The following ASB3 variants were observed in gnomAD, a reference collection of about 807,000 sequenced individuals.
The protein encoded by ASB3 is ankyrin repeat and SOCS box protein 3.
A neutral mutation model predicts 54.5 loss-of-function variants in ASB3; 41 were observed. That is an observed-to-expected ratio of 0.75 (90% CI 0.59 to 0.98). The LOEUF is 0.98. ASB3 is among the 50% of genes least tolerant of loss of function. ASB3 has a pLI of 0.00. For missense variants in ASB3, 733 were observed against 620.0 expected (o/e 1.18, Z -1.94); for synonymous variants, 266 against 221.2 (o/e 1.20, Z -1.80).
chr2:53,708,950 G>A (rs539455936), intron 7 of ASB3, among the ~76,000 whole-genome samples: 2 of 152,302 alleles, frequency 1.3e-5, no homozygotes, highest in South Asian at 4.1e-4. Flanking sequence ...ATAAAAGTTT[G>A]GAAAATTTGC....
intron 2 of ASB3, among the ~76,000 whole-genome samples, chr2:53,765,053 G>A (rs1477086881): frequency 6.6e-6 from 1 of 152,086 alleles, no homozygotes; most frequent in Non-Finnish European, 1.5e-5. Context: ...CTTTCTGTTT[G>A]GTAAAGGAAG....
intron 3 of ASB3, among the ~76,000 whole-genome samples, chr2:53,742,765 C>T (rs948842470): frequency 2.0e-5 from 3 of 150,160 alleles, no homozygotes; most frequent in African/African-American, 4.9e-5. Flanking sequence ...AAAACAAAAA[C>T]ACAGAGAAAG....
At chr2:53,786,090 T>C (rs899360848) in intron 1 of ASB3, among the ~76,000 whole-genome samples, 1 of 152,188 alleles carries the variant, frequency 6.6e-6, no homozygotes, top group African/African-American at 2.4e-5. Context: ...TGTCGAGCTT[T>C]AGGGAATGGT....
At chr2:53,727,497 A>G (rs575071244) in intron 5 of ASB3, among the ~76,000 whole-genome samples, 1 of 152,174 alleles carries the variant, frequency 6.6e-6, no homozygotes, top group Admixed American at 6.6e-5. Flanking sequence ...TTAGCTGGGC[A>G]TGGTGAAATG....
chr2:53,673,806 G>C (rs561413306), intron 9 of ASB3, among the ~76,000 whole-genome samples: 55 of 152,294 alleles, frequency 3.6e-4, no homozygotes, highest in African/African-American at 1.3e-3. Context: ...TTCAGGTATT[G>C]GTTCAAATTT....
In ASB3 at chr2:53,675,359, T is replaced by G. The variant is rs563278915; in HGVS notation, c.1370-4669A>C. The stretch of plus-strand genomic sequence containing the variant: ...TACTATAAAATAAAATAAGCCAATA[T>G]AAAATAAGATATATACTTTAAATAA... On this transcript the variant is annotated intron_variant, in intron 9 of 9. Transcript: ENST00000263634. Among the ~76,000 whole-genome samples, 21 of 152,240 alleles carry G rather than the reference T, an allele frequency of 1.4e-4. No homozygotes were observed. In the South Asian group the frequency reaches 4.3e-3, roughly 32 times the overall value.
At chr2:53,746,296 A>G (rs1031473060) in intron 3 of ASB3, among the ~76,000 whole-genome samples, 3 of 152,118 alleles carry the variant, frequency 2.0e-5, no homozygotes, top group African/African-American at 4.8e-5. Flanking sequence ...CCCTACATCA[A>G]AAAATAAAAA....
chr2:53,764,450 T>C (rs1384510236), intron 2 of ASB3, among the ~76,000 whole-genome samples: 1 of 152,198 alleles, frequency 6.6e-6, no homozygotes, highest in Non-Finnish European at 1.5e-5. Flanking sequence ...AAAATGAGGA[T>C]AATACTGCCT....
intron 2 of ASB3, among the ~76,000 whole-genome samples, chr2:53,759,382 C>T (rs1246213038): frequency 6.6e-6 from 1 of 152,192 alleles, no homozygotes; most frequent in East Asian, 1.9e-4. Context: ...AGAAAGCATA[C>T]CTCTCTGTCG....
chr2:53,765,253 G>A (rs1673373285), intron 2 of ASB3, 124 bp downstream of exon 2: 6 of 1,308,760 alleles, frequency 4.6e-6, no homozygotes, highest in Non-Finnish European at 6.2e-6. Context: ...ATAAATTCAG[G>A]CAGTTATTTT....
At chr2:53,739,477 T>C (rs1307904913) in intron 3 of ASB3, among the ~76,000 whole-genome samples, 2 of 152,174 alleles carry the variant, frequency 1.3e-5, no homozygotes, top group Non-Finnish European at 2.9e-5. Flanking sequence ...AAGAAAAAGC[T>C]TTTTTAAGGG....
intron 3 of ASB3, among the ~76,000 whole-genome samples, chr2:53,744,042 C>CA (rs754362156): frequency 0.15 from 12,601 of 85,720 alleles, 700 homozygotes; most frequent in African/African-American, 0.22. Context: ...GACTCTGTCT[C>CA]AAAAAAAAAA....
chr2:53,683,055 G>A (rs1366231325), intron 9 of ASB3, among the ~76,000 whole-genome samples: 2 of 152,144 alleles, frequency 1.3e-5, no homozygotes, highest in Non-Finnish European at 1.5e-5. Flanking sequence ...TCATGTTCCA[G>A]ATCTTAGAGG....
rs575787768 is a variant in ASB3, at chr2:53,745,020, C to T, written c.355+5763G>A. 1.6e-4 allele frequency among the ~76,000 whole-genome samples: 25 copies of T among 152,290 alleles called. No individual in the cohort carries two copies. The South Asian group carries it at 5.2e-3, about 32-fold the overall frequency. On this transcript the variant is annotated intron_variant, in intron 3 of 9. Coordinates refer to ENST00000263634, the MANE Select transcript of ASB3 (RefSeq NM_016115.5). ...ATGCCATGCAGTTCCCATGGAGTGT[C>T]CTATGAAATCACACTAGTTTGGATT...
In ASB3 at chr2:53,700,373, T is replaced by G; in HGVS notation, c.1136A>C (p.Glu379Ala). ...CSLGPWNHIY[E>A]FVNHAIKAQA... The stretch of plus-strand genomic sequence containing the variant: ...TGCTTTAATTGCATGATTTACAAAT[T>G]CATATATATGGTTCCATGGTCCCAA... Residue 379 changes from glutamate (E) to alanine (A), a missense_variant, in exon 8 of 10, where the codon GAA becomes GCA. By Grantham distance (107) the Glu-to-Ala change is moderately radical. Transcript: ENST00000263634. 1.2e-6 allele frequency: 2 copies of G among 1,614,080 alleles called. No individual in the cohort carries two copies. Among genetic ancestry groups the G allele is most frequent in the Non-Finnish European group, 1.7e-6 (2 of 1,180,006 alleles).
chr2:53,690,534 T>A (rs539172336), intron 9 of ASB3, among the ~76,000 whole-genome samples: 1 of 152,076 alleles, frequency 6.6e-6, no homozygotes, highest in East Asian at 1.9e-4. Flanking sequence ...TGTAACAGCA[T>A]CCAAGAAAAT....
chr2:53,764,341 G>T (rs1267845651), intron 2 of ASB3, among the ~76,000 whole-genome samples: 1 of 152,124 alleles, frequency 6.6e-6, no homozygotes, highest in Non-Finnish European at 1.5e-5. Context: ...GGAAAAAAAA[G>T]GGCTTTAGAG....
intron 3 of ASB3, among the ~76,000 whole-genome samples, chr2:53,744,671 AATAT>A (rs1358113822): frequency 6.6e-6 from 1 of 152,218 alleles, no homozygotes; most frequent in Non-Finnish European, 1.5e-5. Flanking sequence ...TTATTAACAT[AATAT>A]ATAAAGAGAT....
intron 7 of ASB3, among the ~76,000 whole-genome samples, chr2:53,710,704 C>T (rs1411247042): frequency 6.6e-6 from 1 of 152,146 alleles, no homozygotes; most frequent in African/African-American, 2.4e-5. Flanking sequence ...TCTGTTTTAC[C>T]TTATACAGTG....
Sources: allele counts gnomAD v4.1 joint callset (sites outside exome capture counted in the v4.1 genomes callset), GRCh38; gene constraint gnomAD v4.1.1; transcripts MANE v1.5; gene names NCBI Gene and HGNC (gene_info 2026-07-23, HGNC 2026-07-21).